The following PDE4B variants were observed in gnomAD, a reference collection of about 807,000 sequenced individuals.
PDE4B encodes the protein 3',5'-cyclic-AMP phosphodiesterase 4B.
In PDE4B, 20 loss-of-function variants were observed where a neutral mutation model predicts 82.2. The observed-to-expected ratio is 0.24, with a 90% confidence interval of 0.17 to 0.35. The LOEUF is 0.35. Among genes scored for constraint, PDE4B ranks in the 10% least tolerant of loss-of-function variants. The pLI is 1.00. For synonymous variants in PDE4B, 320 were observed against 318.9 expected (o/e 1.00, Z -0.04); for missense variants, 655 against 907.2 (o/e 0.72, Z 3.57).
chr1:65,917,556 G>A (rs182639529), intron 2 of PDE4B, among the ~76,000 whole-genome samples: 264 of 152,270 alleles, frequency 1.7e-3, no homozygotes, highest in African/African-American at 6.2e-3. Flanking sequence ...CCAGGCAGAG[G>A]CTCATTTGGG....
intron 12 of PDE4B, 148 bp downstream of exon 12, chr1:66,363,719 G>T (rs1276650118): frequency 1.7e-6 from 1 of 583,966 alleles, no homozygotes; most frequent in Non-Finnish European, 2.9e-6. Flanking sequence ...CAAGGTTACA[G>T]TGAGCTATGA....
chr1:66,315,576 C>T (rs886399847), intron 7 of PDE4B, among the ~76,000 whole-genome samples: 3 of 152,152 alleles, frequency 2.0e-5, no homozygotes, highest in Non-Finnish European at 4.4e-5. Context: ...CTGCCTCAGC[C>T]TCCTGAGTAG....
intron 1 of PDE4B, among the ~76,000 whole-genome samples, chr1:65,902,999 T>G (rs1032654049): frequency 1.3e-5 from 2 of 152,166 alleles, no homozygotes; most frequent in African/African-American, 4.8e-5. Flanking sequence ...ATCTCTATAT[T>G]TTATCTGTAA....
intron 3 of PDE4B, among the ~76,000 whole-genome samples, chr1:66,109,490 G>C (rs1645438698): frequency 6.6e-6 from 1 of 151,242 alleles, no homozygotes; most frequent in African/African-American, 2.4e-5. Flanking sequence ...AAAAAAAATT[G>C]TTCCAAGAAG....
chr1:66,117,573 G>A (rs1426676383), intron 3 of PDE4B, among the ~76,000 whole-genome samples: 1 of 151,934 alleles, frequency 6.6e-6, no homozygotes, highest in Non-Finnish European at 1.5e-5. Flanking sequence ...TAAGTTTCCA[G>A]GGCCACAGTT....
At chr1:66,084,656 G>A (rs757523421) in intron 3 of PDE4B, among the ~76,000 whole-genome samples, 14 of 152,126 alleles carry the variant, frequency 9.2e-5, no homozygotes, top group Non-Finnish European at 1.9e-4. Context: ...CAATGCTCTA[G>A]GGGTCTGGAA....
intron 3 of PDE4B, among the ~76,000 whole-genome samples, chr1:66,178,165 C>T (rs115213042): frequency 2.0e-5 from 3 of 151,644 alleles, no homozygotes; most frequent in Non-Finnish European, 4.4e-5. Flanking sequence ...CTTCTCCCCC[C>T]CAAAAAAAGA....
chr1:66,198,963 G>A (rs1648605063), intron 3 of PDE4B, among the ~76,000 whole-genome samples: 1 of 151,724 alleles, frequency 6.6e-6, no homozygotes, highest in African/African-American at 2.4e-5. Flanking sequence ...TGGCTGCATA[G>A]TATTCCATGG....
chr1:66,263,543 T>C (rs1191757730), intron 6 of PDE4B, among the ~76,000 whole-genome samples: 1 of 152,218 alleles, frequency 6.6e-6, no homozygotes, highest in Non-Finnish European at 1.5e-5. Context: ...TTCCTACTAT[T>C]TGCCAGGCAA....
intron 7 of PDE4B, among the ~76,000 whole-genome samples, chr1:66,312,679 G>A (rs1459172738): frequency 6.6e-6 from 1 of 152,156 alleles, no homozygotes; most frequent in Non-Finnish European, 1.5e-5. Flanking sequence ...ACATCTTTAG[G>A]AGAGTGATTT....
intron 7 of PDE4B, among the ~76,000 whole-genome samples, chr1:66,296,055 A>C (rs577448689): frequency 4.6e-5 from 7 of 152,006 alleles, no homozygotes; most frequent in African/African-American, 1.7e-4. Context: ...GCTGGTTTAG[A>C]CCCAATTCAG....
intron 7 of PDE4B, among the ~76,000 whole-genome samples, chr1:66,325,831 G>A (rs188223099): frequency 7.9e-5 from 12 of 152,276 alleles, no homozygotes; most frequent in Admixed American, 3.9e-4. Flanking sequence ...TTCCTGACAC[G>A]TGCCGGATGC....
At chr1:66,107,240 G>C (rs893580025) in intron 3 of PDE4B, among the ~76,000 whole-genome samples, 1 of 152,018 alleles carries the variant, frequency 6.6e-6, no homozygotes, top group Non-Finnish European at 1.5e-5. Context: ...CCATGTAGTT[G>C]AGCGGTTTTG....
At chr1:66,237,198 T>G (rs547040669) in intron 3 of PDE4B, among the ~76,000 whole-genome samples, 3 of 152,300 alleles carry the variant, frequency 2.0e-5, no homozygotes, top group African/African-American at 7.2e-5. Flanking sequence ...AAAATCCAAA[T>G]GCCAGGCTGT....
At chr1:66,355,120 T>C (rs1161887583) in intron 8 of PDE4B, 4 of 432,418 alleles carry the variant, frequency 9.3e-6, no homozygotes, top group Admixed American at 4.1e-5. Context: ...TTTTAAAAGA[T>C]GCTTCTTTTT....
intron 1 of PDE4B, among the ~76,000 whole-genome samples, chr1:65,873,604 G>A (rs1230284085): frequency 6.6e-6 from 1 of 151,996 alleles, no homozygotes; most frequent in Non-Finnish European, 1.5e-5. Flanking sequence ...TTACTTCTTT[G>A]AAATATAAAA....
chr1:65,864,911 T>C (rs12134350), intron 1 of PDE4B, among the ~76,000 whole-genome samples: 16,735 of 152,196 alleles, frequency 0.11, 1,066 homozygotes, highest in Non-Finnish European at 0.14. Flanking sequence ...AGAATCCACC[T>C]CATCAGTATC....
intron 1 of PDE4B, among the ~76,000 whole-genome samples, chr1:65,893,802 G>C (rs573015799): frequency 6.6e-6 from 1 of 152,138 alleles, no homozygotes; most frequent in African/African-American, 2.4e-5. Flanking sequence ...TACCATGGAA[G>C]ACTACCCATC....
intron 3 of PDE4B, among the ~76,000 whole-genome samples, chr1:66,183,836 A>G (rs1006776611): frequency 6.6e-6 from 1 of 152,202 alleles, no homozygotes; most frequent in East Asian, 1.9e-4. Context: ...ACAAGCATCC[A>G]CACGTACCTT....
Sources: gnomAD v4.1 joint callset for allele counts (sites outside exome capture counted in the v4.1 genomes callset) on GRCh38, gnomAD v4.1.1 for gene constraint, MANE v1.5 for transcripts, NCBI Gene and HGNC (gene_info 2026-07-23, HGNC 2026-07-21) for gene names.